The following CCSER1 variants were observed in gnomAD, a reference collection of about 807,000 sequenced individuals.
CCSER1 encodes coiled-coil serine rich protein 1.
Under a neutral mutation model 82.0 loss-of-function variants are expected in CCSER1, and 41 were observed. That is an observed-to-expected ratio of 0.50 (90% confidence interval 0.39 to 0.65). The LOEUF (loss-of-function observed/expected upper bound fraction) is 0.65, where lower values mean the gene tolerates loss of function less well. Among genes scored for constraint, CCSER1 ranks in the 30% least tolerant of loss-of-function variants. The pLI, the probability that CCSER1 is intolerant of heterozygous loss-of-function variation, is 0.00. For synonymous variants in CCSER1, 414 were observed against 383.9 expected, an observed-to-expected ratio of 1.08 and a Z score of -0.92; for missense variants, 1,119 against 1,064.2, an observed-to-expected ratio of 1.05 and a Z score of -0.72.
chr4:91,330,992 T>C (rs1746910140), intron 10 of CCSER1, among the ~76,000 whole-genome samples: 2 of 152,192 alleles, frequency 1.3e-5, no homozygotes, highest in Non-Finnish European at 2.9e-5. Flanking sequence ...TCATAACTTA[T>C]AGGCTAACCT....
intron 10 of CCSER1, among the ~76,000 whole-genome samples, chr4:91,319,437 T>G (rs950490535): frequency 2.6e-5 from 4 of 152,008 alleles, no homozygotes; most frequent in African/African-American, 9.7e-5. Flanking sequence ...CAAAAGGCAA[T>G]GTTCATTATG....
At chr4:91,178,415 G>A (rs1324746338) in intron 10 of CCSER1, among the ~76,000 whole-genome samples, 1 of 137,808 alleles carries the variant, frequency 7.3e-6, no homozygotes, top group Non-Finnish European at 1.6e-5. Context: ...GTGGGGTAAA[G>A]TCTCCCATTA....
chr4:90,298,669 G>A (rs1304807632), intron 1 of CCSER1, among the ~76,000 whole-genome samples: 1 of 151,556 alleles, frequency 6.6e-6, no homozygotes, highest in Non-Finnish European at 1.5e-5. Flanking sequence ...CTTTGAATGT[G>A]TCCCAGAGAT....
intron 10 of CCSER1, among the ~76,000 whole-genome samples, chr4:91,152,364 G>T (rs765978998): frequency 6.6e-6 from 1 of 152,076 alleles, no homozygotes; most frequent in Non-Finnish European, 1.5e-5. Flanking sequence ...GAGCCTATGT[G>T]TGTCTCTGCA....
intron 5 of CCSER1, among the ~76,000 whole-genome samples, chr4:90,605,011 GT>G (rs1560795848): frequency 1.3e-5 from 2 of 151,906 alleles, no homozygotes; most frequent in African/African-American, 4.8e-5. Context: ...CCGCTTCCAC[GT>G]GTGGGAGGTT....
intron 10 of CCSER1, among the ~76,000 whole-genome samples, chr4:91,198,999 G>C (rs1735687297): frequency 1.3e-5 from 2 of 152,090 alleles, no homozygotes; most frequent in Admixed American, 1.3e-4. Context: ...GAGCAAGACG[G>C]CTGCAGCATC....
intron 1 of CCSER1, among the ~76,000 whole-genome samples, chr4:90,280,714 A>G (rs1489616726): frequency 1.3e-5 from 2 of 151,990 alleles, no homozygotes; most frequent in Non-Finnish European, 2.9e-5. Context: ...GAGAGTTGCC[A>G]GAGTGTTTCC....
At chr4:91,357,533 TA>T (rs899540765) in intron 10 of CCSER1, among the ~76,000 whole-genome samples, 27 of 152,280 alleles carry the variant, frequency 1.8e-4, no homozygotes, top group Non-Finnish European at 3.5e-4. Flanking sequence ...CTTAAACTTT[TA>T]AAACAATAAT....
chr4:90,148,435 T>C (rs902875662), intron 1 of CCSER1, among the ~76,000 whole-genome samples: 1 of 152,158 alleles, frequency 6.6e-6, no homozygotes, highest in Non-Finnish European at 1.5e-5. Flanking sequence ...TATACTTGGA[T>C]TGACAACATT....
At chr4:91,364,731 G>A (rs1455187511) in intron 10 of CCSER1, among the ~76,000 whole-genome samples, 1 of 152,012 alleles carries the variant, frequency 6.6e-6, no homozygotes, top group Non-Finnish European at 1.5e-5. Context: ...TTTGTGGAAA[G>A]ATTAATTATT....
intron 10 of CCSER1, among the ~76,000 whole-genome samples, chr4:91,349,116 C>G (rs1748284416): frequency 6.6e-6 from 1 of 152,064 alleles, no homozygotes; most frequent in Admixed American, 6.5e-5. Context: ...ACCGTGTTAG[C>G]CAGGATGGTC....
chr4:91,195,412 C>A (rs1439935446), intron 10 of CCSER1, among the ~76,000 whole-genome samples: 1 of 152,096 alleles, frequency 6.6e-6, no homozygotes, highest in East Asian at 1.9e-4. Flanking sequence ...GATTAAGAGA[C>A]CTGTTAGGAG....
intron 10 of CCSER1, among the ~76,000 whole-genome samples, chr4:91,137,206 A>C (rs12331322): frequency 1.1e-4 from 12 of 109,586 alleles, no homozygotes; most frequent in Admixed American, 7.2e-4. Context: ...ATTCCCCTTC[A>C]TGTGTCCATG....
In CCSER1 at chr4:91,404,233, G is replaced by A. The variant is rs138216377; in HGVS notation, c.2218-194339G>A. Among the ~76,000 whole-genome samples, 67 of 151,946 alleles carry A rather than the reference G, an allele frequency of 4.4e-4. No individual in the cohort carries two copies. In the East Asian group the frequency reaches 0.011, roughly 25 times the overall value. On this transcript the variant is annotated intron_variant, in intron 10 of 10. Coordinates refer to ENST00000509176, the MANE Select transcript of CCSER1 (RefSeq NM_001145065.2). ...TGGTAGTTTGTATTTCTGTGTGATC[G>A]GTGGTCATATCCCTTTTCTTTTTTT... is the stretch of plus-strand genomic sequence containing the variant.
chr4:90,154,310 C>T (rs1312063473), intron 1 of CCSER1, among the ~76,000 whole-genome samples: 5 of 152,144 alleles, frequency 3.3e-5, no homozygotes, highest in African/African-American at 4.8e-5. Context: ...AGTCAGGTAG[C>T]GTGACGCCTC....
At chr4:90,482,223 T>G (rs528048667) in intron 5 of CCSER1, among the ~76,000 whole-genome samples, 2 of 152,136 alleles carry the variant, frequency 1.3e-5, no homozygotes, top group African/African-American at 2.4e-5. Context: ...TGATATCCCC[T>G]TTTTCATTTT....
rs148172793 is a variant in CCSER1 at position 91,476,778 on chromosome 4, C to T, written c.2218-121794C>T. 4.6e-3 allele frequency among the ~76,000 whole-genome samples: 694 copies of T among 151,700 alleles called. 7 individuals are homozygous for T. The highest frequency in any genetic ancestry group is 0.016 in the African/African-American group (655 of 41,472). ...AAATCTTACTCATTTATAGCCAACT[C>T]ATTTTCAACAAAGGTACCAAAAACA... On this transcript the variant is annotated intron_variant, in intron 10 of 10. Transcript: ENST00000509176.
At chr4:90,653,080 C>A (rs1296498746) in intron 6 of CCSER1, among the ~76,000 whole-genome samples, 3 of 152,000 alleles carry the variant, frequency 2.0e-5, no homozygotes, top group East Asian at 1.9e-4. Context: ...TCTTACCAGA[C>A]AACCTACTTG....
intron 10 of CCSER1, among the ~76,000 whole-genome samples, chr4:91,417,852 AG>A (rs1753457548): frequency 6.6e-6 from 1 of 152,140 alleles, no homozygotes; most frequent in Non-Finnish European, 1.5e-5. Flanking sequence ...TTAAAATAAA[AG>A]TTGAAGAGAA....
Sources: allele counts gnomAD v4.1 joint callset (sites outside exome capture counted in the v4.1 genomes callset), GRCh38; gene constraint gnomAD v4.1.1; transcripts MANE v1.5; gene names NCBI Gene and HGNC (gene_info 2026-07-23, HGNC 2026-07-21).